Variants in CCDC93 observed in about 807,000 individuals in gnomAD.
CCDC93 encodes the protein coiled-coil domain-containing protein 93.
CCDC93 carries 61 observed loss-of-function variants against 108.2 expected under a neutral mutation model. The ratio of observed to expected loss-of-function variants is 0.56; its 90% CI spans 0.46 to 0.70. The LOEUF is 0.70. Among genes scored for constraint, CCDC93 ranks in the 30% least tolerant of loss-of-function variants. CCDC93 has a pLI of 0.00. For synonymous variants in CCDC93, 276 were observed against 260.4 expected (o/e 1.06, Z -0.58); for missense variants, 685 against 764.2 (o/e 0.90, Z 1.22).
At chr2:117,983,185 A>G (rs935701502) in intron 7 of CCDC93, among the ~76,000 whole-genome samples, 1 of 152,118 alleles carries the variant, frequency 6.6e-6, no homozygotes, top group Admixed American at 6.5e-5. Context: ...CATCCTATTC[A>G]ATTTCCAGAA....
chr2:117,998,035 G>A (rs1680714768), intron 4 of CCDC93: 1 of 152,206 alleles, frequency 6.6e-6, no homozygotes, highest in Non-Finnish European at 1.5e-5. Context: ...AAAGGCTATA[G>A]AGGGAAACTC....
At chr2:117,940,509 C>G (rs993558444) in intron 19 of CCDC93, among the ~76,000 whole-genome samples, 1 of 152,076 alleles carries the variant, frequency 6.6e-6, no homozygotes, top group Admixed American at 6.6e-5. Context: ...GGGGAGGAAC[C>G]CAGGCATGGT....
At chr2:118,012,026 C>A (rs968649482) in intron 1 of CCDC93, among the ~76,000 whole-genome samples, 5 of 152,222 alleles carry the variant, frequency 3.3e-5, no homozygotes, top group Non-Finnish European at 7.3e-5. Context: ...AGCTCTTACA[C>A]AAAGCCCAAT....
At chr2:117,937,237 G>C (rs1041920397) in intron 20 of CCDC93, among the ~76,000 whole-genome samples, 2 of 152,176 alleles carry the variant, frequency 1.3e-5, no homozygotes, top group African/African-American at 2.4e-5. Flanking sequence ...GCCTCCAAGG[G>C]GATGCACTGT....
At chr2:117,972,817 A>G (rs1679807121) in intron 11 of CCDC93, among the ~76,000 whole-genome samples, 1 of 152,164 alleles carries the variant, frequency 6.6e-6, no homozygotes, top group Non-Finnish European at 1.5e-5. Flanking sequence ...CAAATTTCAG[A>G]TGACACTTTG....
chr2:117,952,400 A>C lies in CCDC93; in HGVS notation c.1041T>G (p.Tyr347Ter). ...RASHTSLQAR[Y>*]NEAKKTLTEL... The stretch of plus-strand genomic sequence containing the variant: ...CTGTCAGCGTTTTCTTGGCTTCATT[A>C]TATCTGGCTTGTAGGCTGGTGTGAC... Residue 347 changes from tyrosine to a stop codon, truncating the protein, a stop_gained, in exon 13 of 24, where the codon TAT becomes TAG. Coordinates refer to ENST00000376300, the MANE Select transcript of CCDC93 (RefSeq NM_019044.5). LOFTEE classifies it high-confidence loss of function. 6.2e-7 allele frequency: 1 copy of C among 1,613,454 alleles called. No homozygotes were observed. Among genetic ancestry groups the C allele is most frequent in the Non-Finnish European group, 8.5e-7 (1 of 1,179,364 alleles).
chr2:118,011,675 C>A (rs2113484), intron 1 of CCDC93, among the ~76,000 whole-genome samples: 88,144 of 151,516 alleles, frequency 0.58, 25,863 homozygotes, highest in Middle Eastern at 0.64. Context: ...ACAAAAAAAA[C>A]CAAAAAAAAA....
At chr2:118,009,197 G>A (rs980896628) in intron 1 of CCDC93, among the ~76,000 whole-genome samples, 3 of 150,044 alleles carry the variant, frequency 2.0e-5, no homozygotes, top group Non-Finnish European at 4.4e-5. Context: ...ATGGTGAAAC[G>A]CTATCTCAAC....
intron 6 of CCDC93, among the ~76,000 whole-genome samples, chr2:117,988,716 T>C (rs1464070650): frequency 6.6e-6 from 1 of 152,238 alleles, no homozygotes; most frequent in Non-Finnish European, 1.5e-5. Context: ...AAGTGCTTCT[T>C]AAAAATTCTC....
At chr2:118,002,323 TGA>T (rs1676725959) in intron 3 of CCDC93, among the ~76,000 whole-genome samples, 1 of 152,152 alleles carries the variant, frequency 6.6e-6, no homozygotes, top group Admixed American at 6.5e-5. Context: ...CAGGGCTGGG[TGA>T]GAGTTATTAC....
At chr2:117,990,902 G>C (rs1290416871) in intron 6 of CCDC93, among the ~76,000 whole-genome samples, 2 of 151,612 alleles carry the variant, frequency 1.3e-5, no homozygotes, top group East Asian at 3.9e-4. Flanking sequence ...GGTTATCCCT[G>C]GCTCGTGGTA....
At chr2:117,986,160 CTTTT>C (rs763304100) in intron 6 of CCDC93, 91 bp from the exon 7 acceptor site, 991 of 275,524 alleles carry the variant, frequency 3.6e-3, no homozygotes, top group Middle Eastern at 0.01. Context: ...GGTATATTCT[CTTTT>C]TTTTTTTTTT....
At chr2:118,006,924 C>G (rs1361902704) in intron 2 of CCDC93, 108 bp from the exon 3 acceptor site, 10 of 667,246 alleles carry the variant, frequency 1.5e-5, no homozygotes, top group Non-Finnish European at 2.7e-5. Flanking sequence ...AGTAAACATA[C>G]AAAATTATAT....
chr2:117,950,608 C>G, intron 13 of CCDC93: 3 of 985,402 alleles, frequency 3.0e-6, no homozygotes, highest in Non-Finnish European at 3.6e-6. Flanking sequence ...GAGGTCAAAT[C>G]TGGGAAGCCT....
At chr2:117,982,891 C>A (rs535660638) in intron 7 of CCDC93, among the ~76,000 whole-genome samples, 24 of 152,252 alleles carry the variant, frequency 1.6e-4, no homozygotes, top group African/African-American at 5.5e-4. Context: ...CCAGACTTCC[C>A]ATACACATGC....
chr2:117,980,642 C>T (rs1370093642), intron 7 of CCDC93, among the ~76,000 whole-genome samples: 1 of 152,072 alleles, frequency 6.6e-6, no homozygotes, highest in Non-Finnish European at 1.5e-5. Context: ...TCTGTTGAGC[C>T]TCTGGAGAGG....
chr2:118,002,121 C>T (rs1400790708), intron 3 of CCDC93, among the ~76,000 whole-genome samples: 1 of 152,152 alleles, frequency 6.6e-6, no homozygotes, highest in Non-Finnish European at 1.5e-5. Context: ...TAAACAAATA[C>T]AGTACTATGT....
At chr2:118,010,008 G>A (rs1451801715) in intron 1 of CCDC93, among the ~76,000 whole-genome samples, 1 of 151,784 alleles carries the variant, frequency 6.6e-6, no homozygotes, top group Non-Finnish European at 1.5e-5. Context: ...CACTGTACTC[G>A]GATCCCAGAG....
Position 117,949,305 on chromosome 2 carries a change from A to C in CCDC93, c.1142+17T>G, listed in dbSNP as rs761235082. 1 of 1,582,776 alleles carries C rather than the reference A, an allele frequency of 6.3e-7. No individual in the cohort carries two copies. The highest frequency in any genetic ancestry group is 1.7e-5 in the Admixed American group (1 of 59,312). ...CTTTCATCAAAGCAAAAATAAGCAC[A>C]TGCTGAAACCTCTTACCTTGGATCA... On this transcript the variant is annotated intron_variant, in intron 14 of 23. Coordinates refer to ENST00000376300, the MANE Select transcript of CCDC93 (RefSeq NM_019044.5).
Sources: allele counts gnomAD v4.1 joint callset (sites outside exome capture counted in the v4.1 genomes callset), GRCh38; gene constraint gnomAD v4.1.1; transcripts MANE v1.5; gene names NCBI Gene and HGNC (gene_info 2026-07-23, HGNC 2026-07-21).